The following BACH2 variants were observed in gnomAD, a reference collection of about 807,000 sequenced individuals.
BACH2 encodes transcription regulator protein BACH2.
In BACH2, 5 loss-of-function variants were observed where a neutral mutation model predicts 61.8. The ratio of observed to expected loss-of-function variants is 0.08; its 90% CI spans 0.04 to 0.17. The LOEUF is 0.17. Ranked by LOEUF, BACH2 falls within the 10% of genes least tolerant of loss-of-function variation. The pLI is 1.00. For synonymous variants in BACH2, 446 were observed against 440.1 expected (o/e 1.01, Z -0.17); for missense variants, 824 against 1,091.1 (o/e 0.76, Z 3.45).
chr6:90,108,776 T>G (rs538366461), intron 4 of BACH2, among the ~76,000 whole-genome samples: 1 of 152,332 alleles, frequency 6.6e-6, no homozygotes, highest in East Asian at 1.9e-4. Flanking sequence ...CCTTCTTGTC[T>G]TACATCCTCT....
intron 6 of BACH2, among the ~76,000 whole-genome samples, chr6:89,990,626 T>C (rs1190187240): frequency 6.6e-6 from 1 of 150,922 alleles, no homozygotes; most frequent in East Asian, 2.0e-4. Context: ...CTCCTCCCAA[T>C]ACCCACCCCC....
rs181844037 is a variant in BACH2, at chr6:89,935,142, C to T, written c.2044-2252G>A. On this transcript the variant is annotated intron_variant, in intron 8 of 8. Transcript: ENST00000257749. Reference sequence around the variant, plus strand: ...AGTGAGTGCAGGGCCTGCTGGGGACCGGGCAGGGCAGGGAGGGACTTGGGG... The same window carrying T: ...AGTGAGTGCAGGGCCTGCTGGGGACTGGGCAGGGCAGGGAGGGACTTGGGG... Among the ~76,000 whole-genome samples the T allele has an allele frequency of 6.6e-3, 1,004 of 152,060 alleles. 4 individuals carry two copies. Among genetic ancestry groups the T allele is most frequent in the Non-Finnish European group, 0.011 (768 of 67,970 alleles).
At chr6:90,258,980 TC>T (rs1562530143) in intron 2 of BACH2, among the ~76,000 whole-genome samples, 2 of 152,080 alleles carry the variant, frequency 1.3e-5, no homozygotes, top group South Asian at 2.1e-4. Context: ...GGGGCTTTTT[TC>T]CCCCCCTACA....
chr6:90,259,084 TG>T (rs1444213848), intron 2 of BACH2, among the ~76,000 whole-genome samples: 2 of 152,198 alleles, frequency 1.3e-5, no homozygotes, highest in African/African-American at 4.8e-5. Flanking sequence ...TTACTATTGC[TG>T]GTACTTCCAG....
intron 5 of BACH2, among the ~76,000 whole-genome samples, chr6:90,028,511 A>G (rs1778759081): frequency 6.6e-6 from 1 of 152,176 alleles, no homozygotes; most frequent in African/African-American, 2.4e-5. Context: ...GAGGGGCAGG[A>G]TCCTGCAGTG....
chr6:90,013,748 TC>T (rs1341012783), intron 5 of BACH2, among the ~76,000 whole-genome samples: 1 of 151,902 alleles, frequency 6.6e-6, no homozygotes. Flanking sequence ...GACTTTGTGA[TC>T]CCCCCGCCTT....
At position 90,052,341 on chromosome 6, in the gene BACH2, C is replaced by G. The variant is rs571210856; in HGVS notation, c.-13+36620G>C. Among the ~76,000 whole-genome samples, 6 of 152,172 alleles carry G rather than the reference C, an allele frequency of 3.9e-5. No individual in the cohort carries two copies. The South Asian group carries it at 1.2e-3, about 32-fold the overall frequency. On this transcript the variant is annotated intron_variant, in intron 5 of 8. Coordinates refer to ENST00000257749, the MANE Select transcript of BACH2 (RefSeq NM_021813.4). Reference sequence around the variant, plus strand: ...TGCAATATAGAAATGTTATACCTTTCCAGTGAATTAAAACCTTATCAATAG... The same window carrying G: ...TGCAATATAGAAATGTTATACCTTTGCAGTGAATTAAAACCTTATCAATAG...
chr6:89,978,435 C>T (rs906257664), intron 6 of BACH2, among the ~76,000 whole-genome samples: 3 of 151,918 alleles, frequency 2.0e-5, no homozygotes, highest in African/African-American at 7.3e-5. Context: ...GCAAATAAGT[C>T]CAGGAATATC....
At chr6:90,124,416 A>C (rs1311919310) in intron 4 of BACH2, among the ~76,000 whole-genome samples, 1 of 152,236 alleles carries the variant, frequency 6.6e-6, no homozygotes, top group African/African-American at 2.4e-5. Context: ...GTACACTTTA[A>C]CCTGCTACTC....
At chr6:90,172,394 G>T (rs1767847327) in intron 4 of BACH2, among the ~76,000 whole-genome samples, 1 of 151,304 alleles carries the variant, frequency 6.6e-6, no homozygotes, top group African/African-American at 2.4e-5. Context: ...AGAATGTGAA[G>T]GAAAAAACAG....
At chr6:90,280,965 C>T (rs1771841966) in intron 1 of BACH2, among the ~76,000 whole-genome samples, 1 of 152,212 alleles carries the variant, frequency 6.6e-6, no homozygotes. Flanking sequence ...CTTCCTTTGG[C>T]CACTCTTAGA....
chr6:90,091,631 C>T (rs145740632), intron 4 of BACH2, among the ~76,000 whole-genome samples: 60 of 152,088 alleles, frequency 3.9e-4, no homozygotes, highest in African/African-American at 1.2e-3. Context: ...ACTGAAGTGA[C>T]GTTTGTTTGT....
chr6:90,039,512 G>A (rs1281373021), intron 5 of BACH2, among the ~76,000 whole-genome samples: 1 of 152,272 alleles, frequency 6.6e-6, no homozygotes, highest in East Asian at 1.9e-4. Flanking sequence ...AGCCTCCTGA[G>A]TAGTCGGGAC....
chr6:90,287,320 T>C (rs1329057002), intron 1 of BACH2, among the ~76,000 whole-genome samples: 1 of 152,224 alleles, frequency 6.6e-6, no homozygotes, highest in African/African-American at 2.4e-5. Context: ...AATAAATTTA[T>C]CAATTCAATT....
intron 3 of BACH2, among the ~76,000 whole-genome samples, chr6:90,231,566 G>A (rs1770095965): frequency 6.6e-6 from 1 of 152,126 alleles, no homozygotes; most frequent in Admixed American, 6.5e-5. Flanking sequence ...AGTTGTCATG[G>A]CAACCCCTAG....
At chr6:89,996,263 C>G (rs752047552) in intron 6 of BACH2, among the ~76,000 whole-genome samples, 4 of 152,182 alleles carry the variant, frequency 2.6e-5, no homozygotes, top group African/African-American at 9.7e-5. Context: ...AGTTCTTTAC[C>G]CAGGTGTAGA....
intron 5 of BACH2, among the ~76,000 whole-genome samples, chr6:90,047,167 C>T (rs556805410): frequency 6.6e-6 from 1 of 152,320 alleles, no homozygotes; most frequent in South Asian, 2.1e-4. Context: ...GGTGATCTGC[C>T]CGCCTTGGCC....
intron 2 of BACH2, among the ~76,000 whole-genome samples, chr6:90,269,691 A>C: frequency 6.6e-6 from 1 of 152,296 alleles, no homozygotes; most frequent in East Asian, 1.9e-4. Context: ...ATAATAAAAG[A>C]GCCCTAAAAC....
chr6:90,052,993 T>G (rs1010412257), intron 5 of BACH2, among the ~76,000 whole-genome samples: 8 of 152,182 alleles, frequency 5.3e-5, no homozygotes, highest in African/African-American at 1.4e-4. Flanking sequence ...ATTTTTTCTT[T>G]CTTTTTTGAT....
Sources: gnomAD v4.1 joint callset for allele counts (sites outside exome capture counted in the v4.1 genomes callset) on GRCh38, gnomAD v4.1.1 for gene constraint, MANE v1.5 for transcripts, NCBI Gene and HGNC (gene_info 2026-07-23, HGNC 2026-07-21) for gene names.